The following C12orf56 variants were observed in gnomAD, a reference collection of about 807,000 sequenced individuals.
C12orf56 encodes uncharacterized protein C12orf56.
Under a neutral mutation model 69.9 loss-of-function variants are expected in C12orf56, and 71 were observed. The observed-to-expected ratio is 1.02, with a 90% confidence interval of 0.84 to 1.24. The LOEUF (loss-of-function observed/expected upper bound fraction) is 1.24, where lower values mean the gene tolerates loss of function less well. Ranked by LOEUF, C12orf56 falls within the 50% of genes most tolerant of loss-of-function variation. C12orf56 has a pLI of 0.00. For missense variants in C12orf56, 732 were observed against 738.5 expected (o/e 0.99, Z 0.10); for synonymous variants, 276 against 274.1 (o/e 1.01, Z -0.07).
chr12:64,297,852 G>C (rs2136792324), intron 6 of C12orf56, among the ~76,000 whole-genome samples: 1 of 152,262 alleles, frequency 6.6e-6, no homozygotes, highest in Admixed American at 6.5e-5. Context: ...ACATACATGT[G>C]CATGTGTCTT....
rs533802813 is a variant in C12orf56 at position 64,390,606 on chromosome 12, C to A, written c.-41G>T. 1 of 1,448,534 alleles carries A rather than the reference C, an allele frequency of 6.9e-7. No homozygotes were observed. The highest frequency in any genetic ancestry group is 9.0e-7 in the Non-Finnish European group (1 of 1,109,558). The allele number at this position is 1,448,534 out of a possible 1,614,324, so 89.7% of individuals were successfully genotyped here. ...CGTGGCGGAGTGCTGGGACTCGAGGCCCTCAGCTCGCCCTCTCCCCGCCCC... is the reference window on the plus strand; with the variant it reads ...CGTGGCGGAGTGCTGGGACTCGAGGACCTCAGCTCGCCCTCTCCCCGCCCC... On this transcript the variant is annotated 5_prime_UTR_variant, in exon 1 of 13. Transcript: ENST00000543942.
chr12:64,286,669 G>T (rs545508526), intron 6 of C12orf56, among the ~76,000 whole-genome samples: 2 of 152,230 alleles, frequency 1.3e-5, no homozygotes, highest in Admixed American at 6.5e-5. Flanking sequence ...GAAAATAAGC[G>T]CTGGCCCATG....
At chr12:64,302,817 C>T (rs970328794) in intron 6 of C12orf56, among the ~76,000 whole-genome samples, 3 of 152,112 alleles carry the variant, frequency 2.0e-5, no homozygotes, top group Non-Finnish European at 4.4e-5. Context: ...TATATTCTTA[C>T]AGTAGGGGAA....
chr12:64,331,689 A>G (rs2038932154), intron 2 of C12orf56, among the ~76,000 whole-genome samples: 1 of 152,104 alleles, frequency 6.6e-6, no homozygotes, highest in African/African-American at 2.4e-5. Flanking sequence ...AGCATGCAGC[A>G]AGAAGTTGCC....
intron 3 of C12orf56, among the ~76,000 whole-genome samples, chr12:64,327,322 A>G (rs554587794): frequency 2.0e-5 from 3 of 152,228 alleles, no homozygotes; most frequent in Admixed American, 1.3e-4. Context: ...GGAGAAATGG[A>G]AACAAATCTT....
chr12:64,346,712 C>T (rs61931516), intron 2 of C12orf56, among the ~76,000 whole-genome samples: 2 of 152,090 alleles, frequency 1.3e-5, no homozygotes, highest in Non-Finnish European at 2.9e-5. Context: ...TGGCAACCAG[C>T]CCCATCCTGA....
intron 2 of C12orf56, among the ~76,000 whole-genome samples, chr12:64,345,846 ACTC>A (rs1248214354): frequency 6.6e-6 from 1 of 152,006 alleles, no homozygotes; most frequent in African/African-American, 2.4e-5. Context: ...GAGTCACTAA[ACTC>A]CTTGTCTCTC....
At chr12:64,355,510 T>C (rs563466726) in intron 1 of C12orf56, among the ~76,000 whole-genome samples, 7 of 152,152 alleles carry the variant, frequency 4.6e-5, no homozygotes, top group Non-Finnish European at 5.9e-5. Context: ...AAAATGTAAA[T>C]TTGTGCTCAA....
At chr12:64,279,778 A>G (rs1421080124) in intron 8 of C12orf56, among the ~76,000 whole-genome samples, 1 of 152,238 alleles carries the variant, frequency 6.6e-6, no homozygotes, top group Non-Finnish European at 1.5e-5. Flanking sequence ...AGGGTATTTA[A>G]TAATGTTTTA....
chr12:64,268,993 AG>A (rs1267982561), intron 12 of C12orf56, among the ~76,000 whole-genome samples: 1 of 152,048 alleles, frequency 6.6e-6, no homozygotes, highest in Non-Finnish European at 1.5e-5. Context: ...AAAATTAGCT[AG>A]GCGTGATGGT....
rs1423154273 is a variant in C12orf56 at position 64,331,008 on chromosome 12, G to C, written c.440C>G (p.Ala147Gly). ...KKVKEEKNGLAFWRSKESRSL... is the reference protein window; with the variant it reads ...KKVKEEKNGLGFWRSKESRSL... ...TCTGGACTCTTTGCTTCTCCAAAAGGCAAGGCCGTTCTTTTCTTCCTTGAC... is the reference window on the plus strand; with the variant it reads ...TCTGGACTCTTTGCTTCTCCAAAAGCCAAGGCCGTTCTTTTCTTCCTTGAC... Residue 147 changes from alanine to glycine, a missense_variant, in exon 3 of 13, where the codon GCC becomes GGC. Physicochemically the swap from Ala to Gly is moderately conservative, Grantham distance 60 (BLOSUM62 0). Coordinates refer to ENST00000543942, the MANE Select transcript of C12orf56 (RefSeq NM_001170633.2). 6.4e-7 allele frequency: 1 copy of C among 1,553,318 alleles called. No individual in the cohort carries two copies. The highest frequency in any genetic ancestry group is 8.7e-7 in the Non-Finnish European group (1 of 1,148,080).
At position 64,367,213 on chromosome 12, in the gene C12orf56, CATACAGTTTATATATTATATGTAAT is replaced by C. The variant is rs1565777765; in HGVS notation, c.253-14182_253-14158del. Among the ~76,000 whole-genome samples the C allele has an allele frequency of 6.8e-3, 96 of 14,118 alleles. 5 individuals are homozygous for C. Among genetic ancestry groups the C allele is most frequent in the African/African-American group, 0.013 (89 of 6,760 alleles). The allele number at this position is 14,118 out of a possible 152,430, so 9.3% of individuals were successfully genotyped here. On this transcript the variant is annotated intron_variant, in intron 1 of 12. Coordinates refer to ENST00000543942, the MANE Select transcript of C12orf56 (RefSeq NM_001170633.2). ...CATACAGTTTATATATTATATATAA[CATACAGTTTATATATTATATGTAAT>C]ATACAGTTTATATATTATATATAAT...
chr12:64,271,940 T>C (rs2037995224), intron 11 of C12orf56, among the ~76,000 whole-genome samples: 1 of 152,240 alleles, frequency 6.6e-6, no homozygotes, highest in Admixed American at 6.5e-5. Context: ...ATACTGTTTA[T>C]AACTGGGTTA....
chr12:64,358,247 C>G (rs964448136), intron 1 of C12orf56, among the ~76,000 whole-genome samples: 3 of 152,116 alleles, frequency 2.0e-5, no homozygotes, highest in African/African-American at 7.2e-5. Flanking sequence ...ATCACGAGGT[C>G]AGGAGTTCGA....
chr12:64,306,423 T>TC (rs1192610362), intron 5 of C12orf56, among the ~76,000 whole-genome samples: 1 of 151,472 alleles, frequency 6.6e-6, no homozygotes, highest in African/African-American at 2.4e-5. Context: ...GGTTTTGTTT[T>TC]TTTTTTTTTT....
chr12:64,299,970 C>T (rs2038422933), intron 6 of C12orf56, among the ~76,000 whole-genome samples: 1 of 151,944 alleles, frequency 6.6e-6, no homozygotes, highest in Non-Finnish European at 1.5e-5. Context: ...GCTTAATAGC[C>T]ACATGTGGCT....
chr12:64,377,573 T>C (rs529277622), intron 1 of C12orf56, among the ~76,000 whole-genome samples: 81 of 152,372 alleles, frequency 5.3e-4, no homozygotes, highest in African/African-American at 1.6e-3. Context: ...ACCTCTTATT[T>C]CTTGGTTTCC....
At chr12:64,374,338 C>G (rs1183154414) in intron 1 of C12orf56, among the ~76,000 whole-genome samples, 1 of 152,142 alleles carries the variant, frequency 6.6e-6, no homozygotes, top group Non-Finnish European at 1.5e-5. Flanking sequence ...GCCTTTTCAG[C>G]TAAACTGGTC....
chr12:64,330,871 A>T, intron 3 of C12orf56, 89 bp downstream of exon 3: 1 of 1,067,424 alleles, frequency 9.4e-7, no homozygotes, highest in Non-Finnish European at 1.4e-6. Context: ...CAAAGCCATT[A>T]GTAGAGAAAA....
Sources: gnomAD v4.1 joint callset for allele counts (sites outside exome capture counted in the v4.1 genomes callset) on GRCh38, gnomAD v4.1.1 for gene constraint, MANE v1.5 for transcripts, NCBI Gene and HGNC (gene_info 2026-07-23, HGNC 2026-07-21) for gene names.